LRPPRC: variants seen among roughly 807,000 people sequenced by gnomAD.
LRPPRC encodes leucine-rich PPR motif-containing protein, mitochondrial.
A neutral mutation model predicts 180.3 loss-of-function variants in LRPPRC; 120 were observed. The ratio of observed to expected loss-of-function variants is 0.67; its 90% CI spans 0.57 to 0.77. The LOEUF is 0.77. Among genes scored for constraint, LRPPRC ranks in the 30% least tolerant of loss-of-function variants. LRPPRC has a pLI of 0.00. For synonymous variants in LRPPRC, 723 were observed against 600.0 expected, an observed-to-expected ratio of 1.21 and a Z score of -3.00; for missense variants, 2,012 against 1,657.2, an observed-to-expected ratio of 1.21 and a Z score of -3.72.
At chr2:43,898,882 G>A (rs1670787128) in intron 34 of LRPPRC, among the ~76,000 whole-genome samples, 1 of 152,110 alleles carries the variant, frequency 6.6e-6, no homozygotes, top group Non-Finnish European at 1.5e-5. Flanking sequence ...AAAATCAAAG[G>A]AATTGTTGTT....
At chr2:43,898,123 A>T (rs1288218611) in intron 34 of LRPPRC, among the ~76,000 whole-genome samples, 2 of 151,914 alleles carry the variant, frequency 1.3e-5, no homozygotes, top group Non-Finnish European at 1.5e-5. Flanking sequence ...AAGCAAAACA[A>T]GAAAATTCCC....
intron 10 of LRPPRC, 23 bp from the exon 11 acceptor site, chr2:43,973,737 T>C (rs1249278965): frequency 1.9e-6 from 3 of 1,603,938 alleles, no homozygotes; most frequent in Non-Finnish European, 8.5e-7. Flanking sequence ...TCATAAAAGA[T>C]CACAAAGCTA....
At chr2:43,955,423 C>T (rs114689529) in intron 14 of LRPPRC, among the ~76,000 whole-genome samples, 2,180 of 147,356 alleles carry the variant, frequency 0.015, 50 homozygotes, top group African/African-American at 0.052. Context: ...GAGCCATGTT[C>T]GTACCACTGC....
chr2:43,919,150 G>A (rs906202939), intron 27 of LRPPRC, among the ~76,000 whole-genome samples: 6 of 152,090 alleles, frequency 3.9e-5, no homozygotes, highest in Admixed American at 6.5e-5. Context: ...TGTGAACTGC[G>A]CATGTGAGGG....
At chr2:43,982,502 T>TA in intron 1 of LRPPRC, 68 bp from the exon 2 acceptor site, 1 of 1,215,326 alleles carries the variant, frequency 8.2e-7, no homozygotes, top group Non-Finnish European at 1.2e-6. Flanking sequence ...GAACAAAACT[T>TA]AAACAAATTT....
chr2:43,951,147 G>T (rs1377303612), intron 14 of LRPPRC, among the ~76,000 whole-genome samples: 1 of 152,168 alleles, frequency 6.6e-6, no homozygotes, highest in African/African-American at 2.4e-5. Context: ...ACCTGGACCG[G>T]GTGATCAAAA....
chr2:43,968,846 G>A (rs1223296234), intron 11 of LRPPRC, among the ~76,000 whole-genome samples: 1 of 152,138 alleles, frequency 6.6e-6, no homozygotes, highest in East Asian at 1.9e-4. Context: ...CTTGAAATTG[G>A]TAAAAGAACA....
chr2:43,894,910 G>A lies in LRPPRC; in HGVS notation c.3901-281C>T, dbSNP rs977722945. 2.6e-5 allele frequency among the ~76,000 whole-genome samples: 4 copies of A among 152,138 alleles called. No individual in the cohort carries two copies. The East Asian group carries it at 7.7e-4, about 29-fold the overall frequency. On this transcript the variant is annotated intron_variant, in intron 35 of 37. Coordinates refer to ENST00000260665, the MANE Select transcript of LRPPRC (RefSeq NM_133259.4). ...AAACACATTGCTTCTTTTGTCAAGT[G>A]GTGACCATACCAAGAAGTTATGAGA...
At chr2:43,962,230 T>C (rs1313130751) in intron 12 of LRPPRC, among the ~76,000 whole-genome samples, 1 of 152,010 alleles carries the variant, frequency 6.6e-6, no homozygotes, top group Non-Finnish European at 1.5e-5. Flanking sequence ...AAAGAAAACA[T>C]CTGAAAAAGT....
chr2:43,925,286 A>T lies in LRPPRC; in HGVS notation c.2806-129T>A, dbSNP rs1473423703. 4 of 722,086 alleles carry T rather than the reference A, an allele frequency of 5.5e-6. No individual in the cohort carries two copies. The African/African-American group carries it at 6.9e-5, about 12-fold the overall frequency. 44.7% of individuals were successfully genotyped at this position (722,086 alleles called of 1,614,324 possible). ...GCAGTTGAACTTCATTTCAAAAGTT[A>T]ATGGGCTGAGCACAACAATATGAAT... On this transcript the variant is annotated intron_variant, in intron 26 of 37. Transcript: ENST00000260665.
intron 36 of LRPPRC, chr2:43,890,512 G>C (rs1339948663): frequency 3.1e-6 from 1 of 322,150 alleles, no homozygotes; most frequent in South Asian, 2.9e-5. Flanking sequence ...AGGAGATCGA[G>C]ACCATCCTGG....
chr2:43,988,532 G>A (rs556169516), intron 1 of LRPPRC, among the ~76,000 whole-genome samples: 2 of 152,060 alleles, frequency 1.3e-5, no homozygotes, highest in South Asian at 2.1e-4. Flanking sequence ...GCGAAACTCC[G>A]TCTAACAAGA....
intron 27 of LRPPRC, among the ~76,000 whole-genome samples, chr2:43,921,271 G>A (rs1037384885): frequency 1.3e-5 from 2 of 151,970 alleles, no homozygotes; most frequent in African/African-American, 2.4e-5. Context: ...CAGCCTGGGC[G>A]AGATGTGAAC....
rs529783501 is a variant in LRPPRC at position 43,888,217 on chromosome 2, G to C, written c.*383C>G. On this transcript the variant is annotated 3_prime_UTR_variant, in exon 38 of 38. Coordinates refer to ENST00000260665, the MANE Select transcript of LRPPRC (RefSeq NM_133259.4). ...AATATTATGCGTTAGAAAGTTCACG[G>C]TCACTATACCTAGCTCTAAAATTTT... 3.9e-6 allele frequency: 1 copy of C among 253,246 alleles called. No individual in the cohort carries two copies. Among genetic ancestry groups the C allele is most frequent in the Admixed American group, 5.1e-5 (1 of 19,422 alleles). 15.7% of individuals were successfully genotyped at this position (253,246 alleles called of 1,614,324 possible).
At chr2:43,914,328 G>C (rs774058839) in intron 29 of LRPPRC, among the ~76,000 whole-genome samples, 2 of 151,946 alleles carry the variant, frequency 1.3e-5, no homozygotes, top group Non-Finnish European at 2.9e-5. Context: ...CCTTTAAGTA[G>C]ACTGAACTAC....
intron 1 of LRPPRC, 150 bp downstream of exon 1, chr2:43,995,649 T>A (rs1249498478): frequency 1.4e-6 from 1 of 716,188 alleles, no homozygotes; most frequent in Admixed American, 4.3e-5. Context: ...AAACCCCTGG[T>A]AGGGAGCGTG....
At chr2:43,963,507 C>CT in intron 12 of LRPPRC, 81 bp downstream of exon 12, 4 of 934,514 alleles carry the variant, frequency 4.3e-6, no homozygotes, top group Middle Eastern at 2.1e-4. Flanking sequence ...AGTTCAATGA[C>CT]TTTTTTGTGT....
intron 22 of LRPPRC, among the ~76,000 whole-genome samples, chr2:43,944,554 G>C (rs913526808): frequency 3.9e-5 from 6 of 152,174 alleles, no homozygotes; most frequent in African/African-American, 1.4e-4. Context: ...TCCTTAGAAA[G>C]AGTTAGAAAG....
intron 1 of LRPPRC, among the ~76,000 whole-genome samples, chr2:43,983,022 C>A (rs1674380258): frequency 6.6e-6 from 1 of 151,724 alleles, no homozygotes; most frequent in South Asian, 2.1e-4. Flanking sequence ...GCTCTTAATT[C>A]TTATCTGCTG....
Sources: allele counts gnomAD v4.1 joint callset (sites outside exome capture counted in the v4.1 genomes callset), GRCh38; gene constraint gnomAD v4.1.1; transcripts MANE v1.5; gene names NCBI Gene and HGNC (gene_info 2026-07-23, HGNC 2026-07-21).